Variants in SLC9B1 observed in about 807,000 individuals in gnomAD.
SLC9B1 encodes solute carrier family 9 member B1.
In SLC9B1, 32 loss-of-function variants were observed where a neutral mutation model predicts 51.7. The ratio of observed to expected loss-of-function variants is 0.62; its 90% confidence interval spans 0.47 to 0.83. The LOEUF is 0.83. Among genes scored for constraint, SLC9B1 ranks in the 40% least tolerant of loss-of-function variants. The probability of loss-of-function intolerance (pLI) is 0.00; values close to 1 mark genes in which losing one functional copy is unlikely to be tolerated. For missense variants in SLC9B1, 406 were observed against 613.2 expected (o/e 0.66, Z 3.57); for synonymous variants, 145 against 212.7 (o/e 0.68, Z 2.77).
At chr4:103,011,552 G>GC (rs1173754360) in intron 1 of SLC9B1, among the ~76,000 whole-genome samples, 2 of 152,166 alleles carry the variant, frequency 1.3e-5, no homozygotes, top group African/African-American at 2.4e-5. Flanking sequence ...TGTAGGCACT[G>GC]CCCTAGTGGT....
Position 102,893,620 on chromosome 4 carries a change from A to G in SLC9B1, c.1333-8292T>C, listed in dbSNP as rs140678600. On this transcript the variant is annotated intron_variant, in intron 11 of 11. Coordinates refer to the SLC9B1 transcript ENST00000394789. ...AGTGCAGCATTAATATGAAAACCTG[A>G]TAAACATAAGACAAAACTGTAGGCC... Among the ~76,000 whole-genome samples the G allele has an allele frequency of 1.4e-3, 218 of 152,296 alleles. 1 individual carries two copies. The highest frequency in any genetic ancestry group is 4.9e-3 in the African/African-American group (205 of 41,580).
intron 7 of SLC9B1, among the ~76,000 whole-genome samples, chr4:102,920,212 C>A (rs1029087619): frequency 2.0e-5 from 3 of 152,112 alleles, no homozygotes; most frequent in Non-Finnish European, 2.9e-5. Flanking sequence ...GAGGAAGGAT[C>A]GGGCAGCAAT....
intron 7 of SLC9B1, 91 bp from the exon 8 acceptor site, chr4:102,911,628 A>G (rs2110433307): frequency 1.3e-6 from 1 of 743,840 alleles, no homozygotes; most frequent in East Asian, 2.6e-5. Context: ...GTTCATGAAG[A>G]AAAGTAAGCA....
At position 102,917,429 on chromosome 4, in the gene SLC9B1, GTATCTATATCTATATCTATATCTA is replaced by G. The variant is rs70941638; in HGVS notation, c.830-5916_830-5893del. The stretch of plus-strand genomic sequence containing the variant: ...TAAATATATTCTCTTTTATATGCAT[GTATCTATATCTATATCTATATCTA>G]TATCTATATCTATATCTATATCTAT... On this transcript the variant is annotated intron_variant, in intron 7 of 11. Transcript: ENST00000296422. Among the ~76,000 whole-genome samples, 723 of 139,410 alleles carry G rather than the reference GTATCTATATCTATATCTATATCTA, an allele frequency of 5.2e-3. 2 individuals are homozygous for G. Among genetic ancestry groups the G allele is most frequent in the African/African-American group, 9.4e-3 (357 of 37,982 alleles). 91.5% of individuals were successfully genotyped at this position (139,410 alleles called of 152,430 possible). A position where few individuals can be genotyped will look rare whatever the true frequency, so the allele number is the denominator to read the frequency against.
At chr4:102,943,508 C>T (rs868122349) in intron 6 of SLC9B1, among the ~76,000 whole-genome samples, 23 of 146,260 alleles carry the variant, frequency 1.6e-4, no homozygotes, top group East Asian at 1.0e-3. Flanking sequence ...TGTATGTATA[C>T]ACACACACAC....
chr4:102,905,702 T>G, intron 10 of SLC9B1, 52 bp from the exon 11 acceptor site: 1 of 1,541,784 alleles, frequency 6.5e-7, no homozygotes, highest in Non-Finnish European at 8.9e-7. Context: ...GAAGAAGTGT[T>G]CTTCATGCCC....
chr4:102,935,609 CATCTTG>C (rs1169417824), intron 6 of SLC9B1, among the ~76,000 whole-genome samples: 14 of 152,082 alleles, frequency 9.2e-5, no homozygotes, highest in African/African-American at 3.4e-4. Flanking sequence ...CGTGTGTATC[CATCTTG>C]AGATGGATAA....
intron 1 of SLC9B1, among the ~76,000 whole-genome samples, chr4:102,992,619 A>G (rs1043340552): frequency 3.9e-5 from 6 of 152,232 alleles, no homozygotes; most frequent in Admixed American, 6.5e-5. Flanking sequence ...ATAAAGAATC[A>G]TAACTGAATT....
At chr4:102,902,792 T>C (rs1734849882) in intron 11 of SLC9B1, among the ~76,000 whole-genome samples, 1 of 152,194 alleles carries the variant, frequency 6.6e-6, no homozygotes, top group African/African-American at 2.4e-5. Flanking sequence ...GATCTTACAT[T>C]TGTAAACTAA....
At chr4:102,930,962 C>T (rs561203913) in intron 7 of SLC9B1, among the ~76,000 whole-genome samples, 7 of 152,096 alleles carry the variant, frequency 4.6e-5, no homozygotes, top group Non-Finnish European at 7.4e-5. Context: ...CGATGTCTCA[C>T]GCCTGTAATC....
At chr4:102,951,588 TAA>T (rs891529561) in intron 3 of SLC9B1, among the ~76,000 whole-genome samples, 1 of 146,020 alleles carries the variant, frequency 6.8e-6, no homozygotes, top group Non-Finnish European at 1.5e-5. Flanking sequence ...TTTACTCAAC[TAA>T]AAAAAAAACC....
Position 102,993,659 on chromosome 4 carries a change from T to C in SLC9B1, c.-1-1947A>G, listed in dbSNP as rs574117050. Reference sequence around the variant, plus strand: ...TCTGTGTGGGGGCTCCAACCCCACATTTTTCCTTTGCACTGCCCTAGCAGA... The same window carrying C: ...TCTGTGTGGGGGCTCCAACCCCACACTTTTCCTTTGCACTGCCCTAGCAGA... On this transcript the variant is annotated intron_variant, in intron 1 of 11. Coordinates refer to ENST00000296422, the MANE Select transcript of SLC9B1 (RefSeq NM_139173.4). Among the ~76,000 whole-genome samples the C allele has an allele frequency of 2.3e-3, 356 of 152,300 alleles. 2 individuals carry two copies. The highest frequency in any genetic ancestry group is 8.0e-3 in the African/African-American group (332 of 41,566).
At chr4:102,979,956 G>A (rs1466702142) in intron 3 of SLC9B1, among the ~76,000 whole-genome samples, 3 of 151,878 alleles carry the variant, frequency 2.0e-5, no homozygotes, top group Non-Finnish European at 2.9e-5. Context: ...GACACTTCTC[G>A]AAAGAAGACA....
At chr4:102,896,424 T>A (rs1284769571), downstream of SLC9B1, among the ~76,000 whole-genome samples, 1 of 152,194 alleles carries the variant, frequency 6.6e-6, no homozygotes, top group Non-Finnish European at 1.5e-5. Flanking sequence ...AAATTGTGGA[T>A]ACCTAATAAT....
At chr4:102,974,111 C>T (rs1738907742) in intron 3 of SLC9B1, among the ~76,000 whole-genome samples, 1 of 151,598 alleles carries the variant, frequency 6.6e-6, no homozygotes, top group Non-Finnish European at 1.5e-5. Flanking sequence ...GTGGCAGGTG[C>T]CTATAATCCC....
intron 7 of SLC9B1, among the ~76,000 whole-genome samples, chr4:102,918,106 A>AAT (rs1735678301): frequency 6.6e-6 from 1 of 150,444 alleles, no homozygotes; most frequent in Non-Finnish European, 1.5e-5. Context: ...GAAAAAAAAA[A>AAT]CCCAATGAAA....
chr4:103,016,111 A>C (rs1424932147), intron 1 of SLC9B1, among the ~76,000 whole-genome samples: 1 of 147,132 alleles, frequency 6.8e-6, no homozygotes, highest in East Asian at 2.0e-4. Flanking sequence ...TGTAGCCTGG[A>C]CAACAAGAGC....
chr4:102,988,144 A>C (rs2110516270), intron 3 of SLC9B1, among the ~76,000 whole-genome samples: 1 of 152,298 alleles, frequency 6.6e-6, no homozygotes, highest in East Asian at 1.9e-4. Flanking sequence ...AGAAAACTTT[A>C]ATTCATTTAA....
At chr4:102,969,656 T>A (rs1479389483) in intron 3 of SLC9B1, among the ~76,000 whole-genome samples, 1 of 152,154 alleles carries the variant, frequency 6.6e-6, no homozygotes, top group Non-Finnish European at 1.5e-5. Flanking sequence ...TTGACAGAAG[T>A]AGGCTTTAGA....
Sources: allele counts gnomAD v4.1 joint callset (sites outside exome capture counted in the v4.1 genomes callset), GRCh38; gene constraint gnomAD v4.1.1; transcripts MANE v1.5; gene names NCBI Gene and HGNC (gene_info 2026-07-23, HGNC 2026-07-21).